Variants in TEKTIP1 observed in about 807,000 individuals in gnomAD.
TEKTIP1 encodes the protein tektin bundle-interacting protein 1.
chr19:3,543,508 C>G, the TEKTIP1 span: 1 of 1,432,586 alleles, frequency 7.0e-7, no homozygotes, highest in Non-Finnish European at 9.3e-7. Flanking sequence ...GGCAGCGGGC[C>G]TGCCAGAGGG....
At chr19:3,543,065 C>T in the TEKTIP1 span, 2 of 1,595,250 alleles carry the variant, frequency 1.3e-6, no homozygotes, top group African/African-American at 2.7e-5. Flanking sequence ...CTCAAGCACC[C>T]ACTCTGGGGT....
At chr19:3,543,307 G>C in the TEKTIP1 span, 1 of 1,549,128 alleles carries the variant, frequency 6.5e-7, no homozygotes. Flanking sequence ...GGAAGTACAC[G>C]CCCATGGGAC....
chr19:3,543,332 C>T, the TEKTIP1 span: 1 of 1,549,514 alleles, frequency 6.5e-7, no homozygotes, highest in Non-Finnish European at 8.7e-7. Flanking sequence ...CGCAGCCGGC[C>T]AGCTGTGGTA....
At chr19:3,543,111 C>G in the TEKTIP1 span, 3 of 1,525,800 alleles carry the variant, frequency 2.0e-6, no homozygotes, top group East Asian at 2.4e-5. Flanking sequence ...CTCCAAGTGG[C>G]GAGGGAGGGA....
the TEKTIP1 span, chr19:3,542,035 C>T: frequency 5.9e-5 from 39 of 664,058 alleles, no homozygotes; most frequent in Non-Finnish European, 6.9e-5. Context: ...GTCTCGAACT[C>T]CTGACCTCAG....
the TEKTIP1 span, chr19:3,543,452 CGTGAGTGCAGCATGCCATCGG>C: frequency 1.9e-6 from 3 of 1,541,460 alleles, no homozygotes; most frequent in East Asian, 2.5e-5. Context: ...CTACCAACAC[CGTGAGTGCAGCATGCCATCGG>C]GTGAGTGCCC....
At chr19:3,543,035 A>G in the TEKTIP1 span, 1 of 1,605,584 alleles carries the variant, frequency 6.2e-7, no homozygotes, top group Non-Finnish European at 8.5e-7. Flanking sequence ...GTGTGGGGAG[A>G]GGGGGAGTCA....
the TEKTIP1 span, chr19:3,543,610 G>A: frequency 5.6e-5 from 86 of 1,544,524 alleles, no homozygotes; most frequent in South Asian, 9.3e-4. Flanking sequence ...TCCCTGCCCA[G>A]TACCAGGCCC....
At chr19:3,544,028 G>A in the TEKTIP1 span, 3 of 1,521,092 alleles carry the variant, frequency 2.0e-6, no homozygotes, top group Non-Finnish European at 2.7e-6. Flanking sequence ...CTACCAGGAT[G>A]CACCCACTGT....
chr19:3,543,938 G>A, the TEKTIP1 span: 2 of 1,551,230 alleles, frequency 1.3e-6, no homozygotes, highest in South Asian at 1.2e-5. Flanking sequence ...ACTACCGGGA[G>A]TGGGTCCTGG....
chr19:3,542,224 A>G, the TEKTIP1 span: 2 of 985,402 alleles, frequency 2.0e-6, no homozygotes, highest in Non-Finnish European at 2.4e-6. Context: ...AGCCGAGTCT[A>G]TGTGGGGTCC....
At chr19:3,542,329 C>G in the TEKTIP1 span, 1 of 985,442 alleles carries the variant, frequency 1.0e-6, no homozygotes, top group Non-Finnish European at 1.2e-6. Context: ...GCCATGAGAG[C>G]TGGAACCGGG....
At chr19:3,543,343 C>T in the TEKTIP1 span, 1 of 1,549,440 alleles carries the variant, frequency 6.5e-7, no homozygotes, top group Admixed American at 2.0e-5. Context: ...AGCTGTGGTA[C>T]ACAGGCCTGA....
At chr19:3,540,261 TTTTG>T in the TEKTIP1 span, among the ~76,000 whole-genome samples, 1 of 145,108 alleles carries the variant, frequency 6.9e-6, no homozygotes. Context: ...CCCAGCTAAT[TTTTG>T]TTTTTTTTTT....
At chr19:3,543,480 GCCC>G in the TEKTIP1 span, 30 of 1,338,582 alleles carry the variant, frequency 2.2e-5, no homozygotes, top group African/African-American at 1.9e-4. Flanking sequence ...TCGGGTGAGT[GCCC>G]CCCCCCCCGC....
chr19:3,539,388 G>A, the TEKTIP1 span: 1 of 633,436 alleles, frequency 1.6e-6, no homozygotes, highest in Non-Finnish European at 2.9e-6. Flanking sequence ...GCTCATGTGT[G>A]TGACGTCCCC....
At chr19:3,541,795 T>C in the TEKTIP1 span, 2 of 984,738 alleles carry the variant, frequency 2.0e-6, no homozygotes, top group Admixed American at 6.2e-5. Context: ...CATTTCTCAT[T>C]GAATATTATT....
At chr19:3,543,479 T>TGGGGG in the TEKTIP1 span, 1 of 1,391,568 alleles carries the variant, frequency 7.2e-7, no homozygotes. Flanking sequence ...ATCGGGTGAG[T>TGGGGG]GCCCCCCCCC....
At chr19:3,542,222 C>G in the TEKTIP1 span, 1 of 985,412 alleles carries the variant, frequency 1.0e-6, no homozygotes, top group South Asian at 4.7e-5. Flanking sequence ...AAAGCCGAGT[C>G]TATGTGGGGT....
Sources: gnomAD v4.1 joint callset for allele counts (sites outside exome capture counted in the v4.1 genomes callset) on GRCh38, gnomAD v4.1.1 for gene constraint, MANE v1.5 for transcripts, NCBI Gene and HGNC (gene_info 2026-07-23, HGNC 2026-07-21) for gene names.